Variants in IKBKB-DT observed in about 807,000 individuals in gnomAD.
IKBKB-DT encodes the protein IKBKB antisense RNA.
At chr8:42,262,874 G>A (rs1020273882) in intron 3 of IKBKB-DT, among the ~76,000 whole-genome samples, 1 of 152,094 alleles carries the variant, frequency 6.6e-6, no homozygotes, top group East Asian at 1.9e-4. Context: ...GAGTAGCTGG[G>A]ACTACAGGCG....
At chr8:42,234,037 A>C (rs1228205388) in intron 3 of IKBKB-DT, among the ~76,000 whole-genome samples, 1 of 152,186 alleles carries the variant, frequency 6.6e-6, no homozygotes, top group Non-Finnish European at 1.5e-5. Flanking sequence ...GGCTAATGTC[A>C]GTCCTACAAA....
intron 3 of IKBKB-DT, among the ~76,000 whole-genome samples, chr8:42,261,872 T>C (rs553243025): frequency 6.6e-6 from 1 of 152,346 alleles, no homozygotes; most frequent in African/African-American, 2.4e-5. Context: ...GACCTGGTGG[T>C]TGGCTGGCCG....
At chr8:42,256,644 C>G (rs1259238014) in intron 3 of IKBKB-DT, among the ~76,000 whole-genome samples, 1 of 151,980 alleles carries the variant, frequency 6.6e-6, no homozygotes, top group Non-Finnish European at 1.5e-5. Context: ...GTAATTAATT[C>G]TTGTTCTGCT....
intron 3 of IKBKB-DT, among the ~76,000 whole-genome samples, chr8:42,258,028 T>C (rs1807230567): frequency 1.3e-5 from 2 of 152,074 alleles, no homozygotes; most frequent in African/African-American, 4.8e-5. Context: ...CAGGAAATTA[T>C]TCTGATAAGA....
rs1807496361 is a variant in IKBKB-DT, at chr8:42,269,705, C to G, written n.603+946G>C. Among the ~76,000 whole-genome samples the G allele has an allele frequency of 1.3e-5, 2 of 151,918 alleles. 1 individual carries two copies. Among genetic ancestry groups the G allele is most frequent in the South Asian group, 4.2e-4 (2 of 4,818 alleles). On this transcript the variant is annotated intron_variant and non_coding_transcript_variant, in intron 1 of 3. Transcript: ENST00000518213. ...GGGAGAAACCGAGCAGCCAGCGTGC[C>G]TAGCACAGCCCTGGACACCATTGAC...
intron 3 of IKBKB-DT, among the ~76,000 whole-genome samples, chr8:42,242,633 A>G (rs1465695689): frequency 6.6e-6 from 1 of 152,300 alleles, no homozygotes; most frequent in Non-Finnish European, 1.5e-5. Context: ...GTCGCTAGTC[A>G]TTGACCTCAC....
chr8:42,251,224 T>G (rs1224731796), intron 3 of IKBKB-DT, among the ~76,000 whole-genome samples: 1 of 152,236 alleles, frequency 6.6e-6, no homozygotes, highest in African/African-American at 2.4e-5. Context: ...CACTCACAGA[T>G]GGAACAATGG....
At chr8:42,257,519 T>C (rs1807222250) in intron 3 of IKBKB-DT, among the ~76,000 whole-genome samples, 1 of 151,284 alleles carries the variant, frequency 6.6e-6, no homozygotes, top group African/African-American at 2.4e-5. Flanking sequence ...AAATTAATAA[T>C]AAATAAAAAA....
chr8:42,240,584 C>T (rs553402856), intron 3 of IKBKB-DT, among the ~76,000 whole-genome samples: 143 of 139,602 alleles, frequency 1.0e-3, no homozygotes, highest in Non-Finnish European at 1.8e-3. Flanking sequence ...AAGATCATTC[C>T]ACTGCACTCC....
At chr8:42,248,536 C>T (rs1470128583) in intron 3 of IKBKB-DT, among the ~76,000 whole-genome samples, 1 of 152,168 alleles carries the variant, frequency 6.6e-6, no homozygotes, top group Non-Finnish European at 1.5e-5. Flanking sequence ...TTTTCACAAA[C>T]ATTTTCCATA....
chr8:42,260,371 A>G (rs907672581), intron 3 of IKBKB-DT, among the ~76,000 whole-genome samples: 2 of 152,124 alleles, frequency 1.3e-5, no homozygotes, highest in African/African-American at 4.8e-5. Flanking sequence ...TCCTTTAAAA[A>G]AAAGCCTTTC....
At chr8:42,257,226 G>A (rs1208937236) in intron 3 of IKBKB-DT, among the ~76,000 whole-genome samples, 2 of 152,050 alleles carry the variant, frequency 1.3e-5, no homozygotes, top group Non-Finnish European at 1.5e-5. Context: ...AGACAAGGCC[G>A]GGTGCAGTGG....
chr8:42,256,740 G>A (rs558045390), intron 3 of IKBKB-DT, among the ~76,000 whole-genome samples: 5 of 152,030 alleles, frequency 3.3e-5, no homozygotes, highest in African/African-American at 1.2e-4. Flanking sequence ...AAGTCATCAG[G>A]AACGTGTACT....
chr8:42,249,886 G>C (rs185979191), intron 3 of IKBKB-DT, among the ~76,000 whole-genome samples: 2 of 152,042 alleles, frequency 1.3e-5, no homozygotes, highest in Non-Finnish European at 2.9e-5. Context: ...AGACCAGCTT[G>C]AGCAACACAG....
exon 2 of IKBKB-DT, chr8:42,265,998 A>G (rs1483048786): frequency 6.6e-6 from 1 of 152,352 alleles, no homozygotes; most frequent in South Asian, 2.1e-4. Context: ...GGCAAGGTTC[A>G]TTCTCACCCT....
At chr8:42,243,169 G>A (rs1386923290) in intron 3 of IKBKB-DT, among the ~76,000 whole-genome samples, 1 of 152,158 alleles carries the variant, frequency 6.6e-6, no homozygotes, top group Admixed American at 6.5e-5. Context: ...GCAGAAATGG[G>A]TTGTAAAAGT....
At chr8:42,246,476 TA>T (rs1186023463) in intron 3 of IKBKB-DT, among the ~76,000 whole-genome samples, 2 of 152,208 alleles carry the variant, frequency 1.3e-5, no homozygotes, top group Non-Finnish European at 2.9e-5. Context: ...TTTTGCACTT[TA>T]AAAATATCAA....
chr8:42,245,790 T>C (rs1387372911), intron 3 of IKBKB-DT, among the ~76,000 whole-genome samples: 1 of 152,230 alleles, frequency 6.6e-6, no homozygotes, highest in African/African-American at 2.4e-5. Context: ...ACAATATTTA[T>C]ATCTGCTTAC....
At chr8:42,245,982 T>C (rs1563275457) in intron 3 of IKBKB-DT, among the ~76,000 whole-genome samples, 1 of 152,220 alleles carries the variant, frequency 6.6e-6, no homozygotes, top group Non-Finnish European at 1.5e-5. Flanking sequence ...CAATGGAATA[T>C]GATCCTGCTG....
Sources: gnomAD v4.1 joint callset for allele counts (sites outside exome capture counted in the v4.1 genomes callset) on GRCh38, gnomAD v4.1.1 for gene constraint, MANE v1.5 for transcripts, NCBI Gene and HGNC (gene_info 2026-07-23, HGNC 2026-07-21) for gene names.